Variants in NMNAT2 observed in about 807,000 individuals in gnomAD.
The protein encoded by NMNAT2 is nicotinamide nucleotide adenylyltransferase 2.
NMNAT2 carries 11 observed loss-of-function variants against 41.6 expected under a neutral mutation model. That is an observed-to-expected ratio of 0.26 (90% CI 0.17 to 0.44). The LOEUF is 0.44. Among genes scored for constraint, NMNAT2 ranks in the 20% least tolerant of loss-of-function variants. The probability of loss-of-function intolerance (pLI) is 1.00; values close to 1 mark genes in which losing one functional copy is unlikely to be tolerated. For missense variants in NMNAT2, 288 were observed against 407.7 expected (o/e 0.71, Z 2.53); for synonymous variants, 148 against 151.2 (o/e 0.98, Z 0.16).
intron 1 of NMNAT2, among the ~76,000 whole-genome samples, chr1:183,407,082 G>T (rs1030121458): frequency 4.6e-5 from 7 of 152,166 alleles, no homozygotes; most frequent in African/African-American, 1.7e-4. Flanking sequence ...CTCCCAAAGT[G>T]CTGGGATCAT....
intron 1 of NMNAT2, among the ~76,000 whole-genome samples, chr1:183,295,721 T>C (rs1661672923): frequency 6.6e-6 from 1 of 152,188 alleles, no homozygotes; most frequent in African/African-American, 2.4e-5. Context: ...ACTTTTTCTA[T>C]AGATTTGACG....
chr1:183,260,639 G>A (rs1041076350), intron 10 of NMNAT2, among the ~76,000 whole-genome samples: 18 of 151,988 alleles, frequency 1.2e-4, no homozygotes, highest in African/African-American at 4.4e-4. Context: ...CCAAAATGGT[G>A]AAATCCCCAT....
At chr1:183,363,448 T>A (rs1663346244) in intron 1 of NMNAT2, among the ~76,000 whole-genome samples, 1 of 152,134 alleles carries the variant, frequency 6.6e-6, no homozygotes, top group Admixed American at 6.5e-5. Flanking sequence ...TTTAGACATG[T>A]TTTCCCTTAG....
chr1:183,280,386 C>CTT lies in NMNAT2; in HGVS notation c.575-1759_575-1758dup, dbSNP rs200221124. Among the ~76,000 whole-genome samples, 944 of 149,520 alleles carry CTT rather than the reference C, an allele frequency of 6.3e-3. 17 individuals carry two copies. The highest frequency in any genetic ancestry group is 0.022 in the African/African-American group (899 of 40,750). Reference sequence around the variant, plus strand: ...AGTCTAACATAAATTCGTAAACTTCCTTTTTTTTTTCTTTTTTTGGAGATA... The same window carrying CTT: ...AGTCTAACATAAATTCGTAAACTTCCTTTTTTTTTTTTCTTTTTTTGGAGATA... On this transcript the variant is annotated intron_variant, in intron 7 of 10. Coordinates refer to ENST00000287713, the MANE Select transcript of NMNAT2 (RefSeq NM_015039.4).
At chr1:183,405,095 C>T (rs1648918662) in intron 1 of NMNAT2, among the ~76,000 whole-genome samples, 1 of 152,096 alleles carries the variant, frequency 6.6e-6, no homozygotes, top group Admixed American at 6.5e-5. Flanking sequence ...TTGAATGTGC[C>T]TGTAGTCCCA....
intron 8 of NMNAT2, among the ~76,000 whole-genome samples, chr1:183,277,247 C>G (rs1202638779): frequency 6.6e-6 from 1 of 152,146 alleles, no homozygotes; most frequent in African/African-American, 2.4e-5. Context: ...CTTTGGGAGG[C>G]TGAGGCAGGC....
chr1:183,369,232 G>T (rs1293302280), intron 1 of NMNAT2, among the ~76,000 whole-genome samples: 1 of 151,116 alleles, frequency 6.6e-6, no homozygotes. Flanking sequence ...ATCCTTTGAG[G>T]AAGGTATTCT....
At chr1:183,304,906 A>G in intron 1 of NMNAT2, 2 of 1,437,622 alleles carry the variant, frequency 1.4e-6, no homozygotes, top group Non-Finnish European at 1.8e-6. Context: ...GAAATGATTT[A>G]TGACCCTCCC....
intron 1 of NMNAT2, among the ~76,000 whole-genome samples, chr1:183,341,725 CAA>C (rs762935303): frequency 4.5e-5 from 1 of 22,212 alleles, no homozygotes; most frequent in Non-Finnish European, 8.1e-5. Flanking sequence ...AAACAAACAC[CAA>C]AAAAAAAAAA....
chr1:183,389,832 GAAA>G lies in NMNAT2; in HGVS notation c.85+28348_85+28350del, dbSNP rs1557897772. ...AGAAAGAAAGAAAGAAAGAAAGAAA[GAAA>G]GAAAGAAAGGAAAAAAGAGAAAGAA... On this transcript the variant is annotated intron_variant, in intron 1 of 10. Transcript: ENST00000287713. Among the ~76,000 whole-genome samples, 59 of 53,172 alleles carry G rather than the reference GAAA, an allele frequency of 1.1e-3. 1 individual carries two copies. Among genetic ancestry groups the G allele is most frequent in the South Asian group, 2.5e-3 (3 of 1,204 alleles). 34.9% of individuals were successfully genotyped at this position (53,172 alleles called of 152,430 possible). A position where few individuals can be genotyped will look rare whatever the true frequency, so the allele number is the denominator to read the frequency against.
intron 1 of NMNAT2, among the ~76,000 whole-genome samples, chr1:183,362,368 T>C (rs1663323987): frequency 6.6e-6 from 1 of 152,170 alleles, no homozygotes; most frequent in African/African-American, 2.4e-5. Flanking sequence ...TTCTACAACA[T>C]TTTCATCACC....
chr1:183,275,284 C>T (rs1238851395), intron 8 of NMNAT2, among the ~76,000 whole-genome samples: 4 of 152,092 alleles, frequency 2.6e-5, no homozygotes, highest in Admixed American at 2.6e-4. Context: ...TCCGGCACAC[C>T]TCTGTCATAG....
chr1:183,371,096 G>T (rs1663529893), intron 1 of NMNAT2, among the ~76,000 whole-genome samples: 1 of 152,218 alleles, frequency 6.6e-6, no homozygotes, highest in Admixed American at 6.5e-5. Flanking sequence ...CCAGGGGCAG[G>T]AGTGGTATAT....
intron 1 of NMNAT2, among the ~76,000 whole-genome samples, chr1:183,358,690 C>G (rs985667349): frequency 6.6e-6 from 1 of 152,176 alleles, no homozygotes; most frequent in Admixed American, 6.5e-5. Flanking sequence ...TTCCCCTCAT[C>G]ATGTGGACTG....
intron 1 of NMNAT2, among the ~76,000 whole-genome samples, chr1:183,351,248 C>G (rs1049278775): frequency 6.6e-6 from 1 of 152,216 alleles, no homozygotes; most frequent in East Asian, 1.9e-4. Context: ...GATACTCTGA[C>G]GAAGTGCATG....
chr1:183,252,686 G>A lies in NMNAT2; in HGVS notation c.879C>T (p.Ile293=), dbSNP rs1055387537. The A allele has an allele frequency of 5.0e-6, 8 of 1,614,002 alleles. No homozygotes were observed. The African/African-American group carries it at 8.0e-5, about 16-fold the overall frequency. Residue 293 remains isoleucine (I), a synonymous_variant, in exon 11 of 11, where the codon ATC becomes ATT. Coordinates refer to ENST00000287713, the MANE Select transcript of NMNAT2 (RefSeq NM_015039.4). ...HVVDYLSQPV[I]DYILKSQLYI... is the part of the protein sequence containing the mutation. ...ACAGCTGGCTTTTGAGGATGTAGTC[G>A]ATGACCGGCTGGGACAGGTAATCCA...
chr1:183,365,900 A>C lies in NMNAT2; in HGVS notation c.85+52283T>G, dbSNP rs114958225. Among the ~76,000 whole-genome samples, 454 of 152,350 alleles carry C rather than the reference A, an allele frequency of 3.0e-3. 3 individuals carry two copies. Among genetic ancestry groups the C allele is most frequent in the African/African-American group, 0.01 (427 of 41,582 alleles). On this transcript the variant is annotated intron_variant, in intron 1 of 10. Transcript: ENST00000287713. ...AGGATGCCAGCATCACTCTGCAGGC[A>C]CAGACTGCAGATAAACCACCCCTGA...
At chr1:183,345,907 C>T (rs1440099469) in intron 1 of NMNAT2, among the ~76,000 whole-genome samples, 3 of 152,056 alleles carry the variant, frequency 2.0e-5, no homozygotes, top group African/African-American at 7.2e-5. Context: ...AGGATGGTCT[C>T]GATCTCCTGA....
rs142143238 is a variant in NMNAT2 at position 183,318,541 on chromosome 1, G to T, written c.86-24748C>A. Among the ~76,000 whole-genome samples the T allele has an allele frequency of 3.9e-5, 6 of 152,312 alleles. No individual in the cohort carries two copies. In the East Asian group the frequency reaches 1.2e-3, roughly 29 times the overall value. ...CTTGAGAAAGGAAATCCCCCAAACAGGACGATGGGGGAGGAATTTCTGAGG... is the reference window on the plus strand; with the variant it reads ...CTTGAGAAAGGAAATCCCCCAAACATGACGATGGGGGAGGAATTTCTGAGG... On this transcript the variant is annotated intron_variant, in intron 1 of 10. Coordinates refer to ENST00000287713, the MANE Select transcript of NMNAT2 (RefSeq NM_015039.4).
Sources: gnomAD v4.1 joint callset for allele counts (sites outside exome capture counted in the v4.1 genomes callset) on GRCh38, gnomAD v4.1.1 for gene constraint, MANE v1.5 for transcripts, NCBI Gene and HGNC (gene_info 2026-07-23, HGNC 2026-07-21) for gene names.